The following DSCAML1 variants were observed in gnomAD, a reference collection of about 807,000 sequenced individuals.
The protein encoded by DSCAML1 is cell adhesion molecule DSCAML1.
DSCAML1 carries 38 observed loss-of-function variants against 200.5 expected under a neutral mutation model. The observed-to-expected ratio is 0.19, with a 90% CI of 0.15 to 0.25. DSCAML1 has a LOEUF of 0.25. Ranked by LOEUF, DSCAML1 falls within the 10% of genes least tolerant of loss-of-function variation. The pLI, the probability that DSCAML1 is intolerant of heterozygous loss-of-function variation, is 1.00. For missense variants in DSCAML1, 2,223 were observed against 2,858.8 expected (o/e 0.78, Z 5.07); for synonymous variants, 1,215 against 1,165.0 (o/e 1.04, Z -0.87).
At chr11:117,688,461 T>G (rs915060532) in intron 3 of DSCAML1, among the ~76,000 whole-genome samples, 5 of 152,190 alleles carry the variant, frequency 3.3e-5, no homozygotes, top group Non-Finnish European at 1.5e-5. Context: ...TCTCACCTCC[T>G]CAGCCCAACA....
chr11:117,438,917 A>G lies in DSCAML1; in HGVS notation c.4211T>C (p.Ile1404Thr), dbSNP rs201974195. The G allele has an allele frequency of 1.1e-5, 18 of 1,606,758 alleles. No homozygotes were observed. Among genetic ancestry groups the G allele is most frequent in the Admixed American group, 1.7e-5 (1 of 58,644 alleles). Residue 1404 changes from isoleucine (I) to threonine (T), a missense_variant, in exon 24 of 33, where the codon ATT becomes ACT. Coordinates refer to ENST00000651296, the MANE Select transcript of DSCAML1 (RefSeq NM_020693.4). ...GGAGCTGCCCCCATTGTCACCTGGA[A>G]TCCAGGTCAGGGTGATGGACGAAGC... ...TSASSITLTWIPGDNGGSSIR... is the reference protein window; with the variant it reads ...TSASSITLTWTPGDNGGSSIR...
rs749332074 is a variant in DSCAML1, at chr11:117,428,574, C to A, written c.5916G>T (p.Arg1972Ser). 254 of 1,583,068 alleles carry A rather than the reference C, an allele frequency of 1.6e-4. No individual in the cohort carries two copies. The highest frequency in any genetic ancestry group is 2.0e-4 in the Non-Finnish European group (238 of 1,165,618). ...AAASTATLPQ[R>S]TLAMPAPPAG... ...CTGGGGGGGCTGGCATGGCCAGAGT[C>A]CTCTGAGGTAAGGTGGCTGTGGAGG... The change falls in exon 33 of 33, where the codon AGG becomes AGT. Residue 1972 changes from arginine (R) to serine (S), a missense_variant. Around this residue, in one of 7 missense-constraint regions of DSCAML1, gnomAD observed 280 missense variants for 213.4 expected, o/e 1.31. Transcript: ENST00000651296.
At chr11:117,491,901 G>C (rs1326945559) in intron 11 of DSCAML1, among the ~76,000 whole-genome samples, 4 of 152,178 alleles carry the variant, frequency 2.6e-5, no homozygotes, top group African/African-American at 9.7e-5. Context: ...CGTGAATTTG[G>C]GGGAAAGAAG....
At chr11:117,429,529 G>A (rs1230903929) in intron 32 of DSCAML1, among the ~76,000 whole-genome samples, 1 of 152,118 alleles carries the variant, frequency 6.6e-6, no homozygotes, top group Non-Finnish European at 1.5e-5. Flanking sequence ...GTGCCACCAT[G>A]CCCAGCTAAT....
chr11:117,588,729 G>T (rs979243178), intron 3 of DSCAML1, among the ~76,000 whole-genome samples: 1 of 152,182 alleles, frequency 6.6e-6, no homozygotes, highest in Non-Finnish European at 1.5e-5. Flanking sequence ...AGTGGGGCCA[G>T]TGGGGCAGAC....
intron 22 of DSCAML1, among the ~76,000 whole-genome samples, 169 bp from the exon 23 acceptor site, chr11:117,439,598 C>T (rs572728606): frequency 6.6e-6 from 1 of 152,230 alleles, no homozygotes; most frequent in East Asian, 1.9e-4. Context: ...GGTAACCCAG[C>T]CTCTTTAACC....
At chr11:117,586,694 A>G (rs1322609222) in intron 3 of DSCAML1, among the ~76,000 whole-genome samples, 4 of 152,220 alleles carry the variant, frequency 2.6e-5, no homozygotes, top group South Asian at 4.1e-4. Flanking sequence ...GCCTGCTTCC[A>G]TGATGGGTTT....
intron 3 of DSCAML1, among the ~76,000 whole-genome samples, chr11:117,675,039 T>G (rs1297372662): frequency 6.6e-6 from 1 of 152,194 alleles, no homozygotes; most frequent in African/African-American, 2.4e-5. Flanking sequence ...GCTGTGCTGC[T>G]GCCTAGCTGT....
At chr11:117,768,829 A>G (rs2054944531) in intron 3 of DSCAML1, among the ~76,000 whole-genome samples, 1 of 151,910 alleles carries the variant, frequency 6.6e-6, no homozygotes, top group Non-Finnish European at 1.5e-5. Flanking sequence ...TTGTTTGCTC[A>G]TAACTGTTAC....
At chr11:117,764,989 C>T (rs1007094856) in intron 3 of DSCAML1, among the ~76,000 whole-genome samples, 3 of 152,254 alleles carry the variant, frequency 2.0e-5, no homozygotes, top group African/African-American at 7.2e-5. Context: ...ACAGGCCCTT[C>T]TCCCATTCCG....
rs184954775 is a variant in DSCAML1 at position 117,632,175 on chromosome 11, T to A, written c.512-99653A>T. Among the ~76,000 whole-genome samples, 238 of 152,312 alleles carry A rather than the reference T, an allele frequency of 1.6e-3. 1 individual carries two copies. Among genetic ancestry groups the A allele is most frequent in the Non-Finnish European group, 2.5e-3 (168 of 68,030 alleles). ...CGGACTATTAGAGTTAGGAGAGACATCAGCAGTAAACTTGTTGTAGCCTTT... is the reference window on the plus strand; with the variant it reads ...CGGACTATTAGAGTTAGGAGAGACAACAGCAGTAAACTTGTTGTAGCCTTT... On this transcript the variant is annotated intron_variant, in intron 3 of 32. Coordinates refer to ENST00000651296, the MANE Select transcript of DSCAML1 (RefSeq NM_020693.4).
intron 3 of DSCAML1, among the ~76,000 whole-genome samples, chr11:117,577,575 C>CT (rs1158315772): frequency 0.075 from 8,838 of 118,106 alleles, 1,310 homozygotes; most frequent in African/African-American, 0.26. Flanking sequence ...TCTTTCCTTT[C>CT]TTTTTTTTTT....
At chr11:117,683,502 T>C (rs1260585504) in intron 3 of DSCAML1, among the ~76,000 whole-genome samples, 1 of 152,204 alleles carries the variant, frequency 6.6e-6, no homozygotes, top group African/African-American at 2.4e-5. Context: ...GACATGCAGC[T>C]CCATATTCGA....
At chr11:117,525,518 T>C (rs1159214622) in intron 4 of DSCAML1, among the ~76,000 whole-genome samples, 1 of 151,180 alleles carries the variant, frequency 6.6e-6, no homozygotes, top group Admixed American at 6.6e-5. Flanking sequence ...TGGAGGGCAG[T>C]GGGTGATCTT....
In DSCAML1 at chr11:117,812,920, C is replaced by G. The variant is rs558276021; in HGVS notation, c.-250+4470G>C. On this transcript the variant is annotated intron_variant, in intron 1 of 2. Transcript: ENST00000525836. ...TAGCCCTCATGTCTGCGTGCAGCGG[C>G]TGCCACTGCTTTAATACTTTTAGAG... Among the ~76,000 whole-genome samples, 51 of 152,090 alleles carry G rather than the reference C, an allele frequency of 3.4e-4. 1 individual carries two copies. Among genetic ancestry groups the G allele is most frequent in the African/African-American group, 1.2e-3 (48 of 41,530 alleles).
At chr11:117,789,996 AC>A (rs1198240579) in intron 1 of DSCAML1, among the ~76,000 whole-genome samples, 1 of 152,060 alleles carries the variant, frequency 6.6e-6, no homozygotes, top group Non-Finnish European at 1.5e-5. Context: ...ATGCCTTCCA[AC>A]CCTGCAAGAC....
In DSCAML1 at chr11:117,453,078, G is replaced by A. The variant is rs1298283164; in HGVS notation, c.3569-2390C>T. Among the ~76,000 whole-genome samples the A allele has an allele frequency of 2.0e-5, 3 of 152,080 alleles. No homozygotes were observed. The East Asian group carries it at 5.8e-4, about 29-fold the overall frequency. Reference sequence around the variant, plus strand: ...GCCTCCTAAGTAACTGGGACTATGGGCGCCCACCATGATGCCAGGTTAATT... The same window carrying A: ...GCCTCCTAAGTAACTGGGACTATGGACGCCCACCATGATGCCAGGTTAATT... On this transcript the variant is annotated intron_variant, in intron 19 of 32. Transcript: ENST00000651296.
At chr11:117,645,214 G>A (rs1198731766) in intron 3 of DSCAML1, among the ~76,000 whole-genome samples, 1 of 152,176 alleles carries the variant, frequency 6.6e-6, no homozygotes, top group Non-Finnish European at 1.5e-5. Flanking sequence ...AGGGGCCCTA[G>A]AAACTCCCTC....
intron 1 of DSCAML1, among the ~76,000 whole-genome samples, chr11:117,806,724 T>A (rs770048846): frequency 1.1e-4 from 16 of 152,262 alleles, no homozygotes; most frequent in Non-Finnish European, 1.9e-4. Context: ...AATTTCAAAC[T>A]CATCATTCTA....
Sources: gnomAD v4.1 joint callset for allele counts (sites outside exome capture counted in the v4.1 genomes callset) on GRCh38, gnomAD v4.1.1 for gene constraint, gnomAD v4.1.1 regional missense constraint, MANE v1.5 for transcripts, NCBI Gene and HGNC (gene_info 2026-07-23, HGNC 2026-07-21) for gene names.